The following RPS6KC1 variants were observed in gnomAD, a reference collection of about 807,000 sequenced individuals.
RPS6KC1 encodes inactive ribosomal protein S6 kinase delta-1.
RPS6KC1 carries 54 observed loss-of-function variants against 103.8 expected under a neutral mutation model. That is an observed-to-expected ratio of 0.52 (90% CI 0.42 to 0.65). RPS6KC1 has a LOEUF of 0.65. Among genes scored for constraint, RPS6KC1 ranks in the 30% least tolerant of loss-of-function variants. The pLI is 0.00. For synonymous variants in RPS6KC1, 439 were observed against 438.7 expected, an observed-to-expected ratio of 1.00 and a Z score of -0.01; for missense variants, 1,151 against 1,253.8, an observed-to-expected ratio of 0.92 and a Z score of 1.24.
chr1:213,415,235 T>C, the RPS6KC1 span, among the ~76,000 whole-genome samples: 1 of 152,258 alleles, frequency 6.6e-6, no homozygotes, highest in Non-Finnish European at 1.5e-5. Context: ...GGAAAGAAGC[T>C]GCTATCGCAA....
chr1:213,551,680 A>G, the RPS6KC1 span, among the ~76,000 whole-genome samples: 1 of 152,206 alleles, frequency 6.6e-6, no homozygotes, highest in South Asian at 2.1e-4. Flanking sequence ...TACGTTTCTT[A>G]CACTTGGTGA....
chr1:213,352,955 C>A, the RPS6KC1 span, among the ~76,000 whole-genome samples: 1 of 152,198 alleles, frequency 6.6e-6, no homozygotes, highest in Non-Finnish European at 1.5e-5. Flanking sequence ...TTGCTGAGCA[C>A]CCTTCAAGAC....
chr1:213,747,801 G>C, the RPS6KC1 span, among the ~76,000 whole-genome samples: 1 of 152,168 alleles, frequency 6.6e-6, no homozygotes, highest in Non-Finnish European at 1.5e-5. Flanking sequence ...TACTCTGCTG[G>C]TGTCATGGAA....
chr1:213,151,872 C>T lies in RPS6KC1; in HGVS notation c.836-15986C>T, dbSNP rs544257072. ...CTCCCGGACGGGGCGGCTGGCCGGG[C>T]GGGGGGCTGATCCCCCAACCTCCCT... On this transcript the variant is annotated intron_variant, in intron 6 of 14. Coordinates refer to ENST00000366960, the MANE Select transcript of RPS6KC1 (RefSeq NM_012424.6). Among the ~76,000 whole-genome samples, 229 of 120,022 alleles carry T rather than the reference C, an allele frequency of 1.9e-3. 8 individuals are homozygous for T. Among genetic ancestry groups the T allele is most frequent in the African/African-American group, 7.2e-3 (215 of 29,732 alleles). The allele number at this position is 120,022 out of a possible 152,430, so 78.7% of individuals were successfully genotyped here. A position where few individuals can be genotyped will look rare whatever the true frequency, so the allele number is the denominator to read the frequency against.
intron 6 of RPS6KC1, among the ~76,000 whole-genome samples, chr1:213,142,430 A>C (rs532060812): frequency 6.6e-6 from 1 of 152,014 alleles, no homozygotes; most frequent in African/African-American, 2.4e-5. Flanking sequence ...GTAAGGAGAC[A>C]CTCTGGCTCC....
chr1:213,681,525 C>A, the RPS6KC1 span, among the ~76,000 whole-genome samples: 2 of 152,058 alleles, frequency 1.3e-5, no homozygotes, highest in South Asian at 4.1e-4. Flanking sequence ...GGGCCCAGCA[C>A]AGTGCCTTAT....
the RPS6KC1 span, among the ~76,000 whole-genome samples, chr1:213,470,850 C>A: frequency 2.2e-4 from 33 of 152,026 alleles, no homozygotes; most frequent in Admixed American, 2.0e-3. Context: ...GTCTTCAACT[C>A]TTGGCCTCAA....
At chr1:213,669,616 G>T in the RPS6KC1 span, among the ~76,000 whole-genome samples, 1 of 152,182 alleles carries the variant, frequency 6.6e-6, no homozygotes, top group Non-Finnish European at 1.5e-5. Context: ...GTTTGGTGCG[G>T]TTGCCACAAA....
intron 6 of RPS6KC1, among the ~76,000 whole-genome samples, chr1:213,146,615 CG>C (rs1558413651): frequency 6.6e-6 from 1 of 151,604 alleles, no homozygotes; most frequent in East Asian, 1.9e-4. Context: ...TTAGTAGAGA[CG>C]GGGTTTCTCT....
chr1:213,400,711 CT>C, the RPS6KC1 span, among the ~76,000 whole-genome samples: 370 of 145,336 alleles, frequency 2.5e-3, no homozygotes, highest in Middle Eastern at 7.1e-3. Context: ...TTCTTTCTCT[CT>C]TTTTTTTTTT....
At chr1:213,152,450 G>T (rs1466496960) in intron 6 of RPS6KC1, among the ~76,000 whole-genome samples, 1 of 151,268 alleles carries the variant, frequency 6.6e-6, no homozygotes, top group Non-Finnish European at 1.5e-5. Flanking sequence ...AGACGGGGCG[G>T]CTGCCGGGCG....
chr1:213,815,893 C>G, the RPS6KC1 span, among the ~76,000 whole-genome samples: 8 of 152,168 alleles, frequency 5.3e-5, no homozygotes, highest in African/African-American at 1.2e-4. Flanking sequence ...TTAATCATTT[C>G]TAGCTTTTGA....
the RPS6KC1 span, among the ~76,000 whole-genome samples, chr1:213,603,335 C>T: frequency 6.6e-6 from 1 of 152,120 alleles, no homozygotes; most frequent in Admixed American, 6.5e-5. Context: ...ATCAGACACC[C>T]AAAGCTTCAG....
the RPS6KC1 span, among the ~76,000 whole-genome samples, chr1:213,363,621 GCTTGCTTT>G: frequency 0.011 from 960 of 85,320 alleles, 7 homozygotes; most frequent in Admixed American, 0.019. Context: ...TTGCTTGCTT[GCTTGCTTT>G]CTTTCTTTCT....
At chr1:213,403,657 C>T in the RPS6KC1 span, among the ~76,000 whole-genome samples, 1 of 152,172 alleles carries the variant, frequency 6.6e-6, no homozygotes, top group Non-Finnish European at 1.5e-5. Flanking sequence ...CCCATGTTCA[C>T]GTGCTCCTCC....
At chr1:213,064,877 G>T (rs1207172975) in intron 1 of RPS6KC1, among the ~76,000 whole-genome samples, 2 of 149,682 alleles carry the variant, frequency 1.3e-5, no homozygotes, top group Non-Finnish European at 1.5e-5. Context: ...GGGTTTCACC[G>T]TGTTAGCCAG....
chr1:213,451,370 T>C, the RPS6KC1 span, among the ~76,000 whole-genome samples: 1 of 152,252 alleles, frequency 6.6e-6, no homozygotes, highest in African/African-American at 2.4e-5. Context: ...CAAAGATTCC[T>C]GGTAGATTTT....
At chr1:213,378,903 T>A in the RPS6KC1 span, among the ~76,000 whole-genome samples, 1 of 152,132 alleles carries the variant, frequency 6.6e-6, no homozygotes, top group African/African-American at 2.4e-5. Context: ...TATGCTGGGA[T>A]CTGACAGAGA....
chr1:213,165,270 G>A (rs894489028), intron 6 of RPS6KC1, among the ~76,000 whole-genome samples: 2 of 152,046 alleles, frequency 1.3e-5, no homozygotes, highest in Non-Finnish European at 2.9e-5. Flanking sequence ...TTGCTCTGTT[G>A]CCCGGGCTGG....
Sources: allele counts gnomAD v4.1 joint callset (sites outside exome capture counted in the v4.1 genomes callset), GRCh38; gene constraint gnomAD v4.1.1; transcripts MANE v1.5; gene names NCBI Gene and HGNC (gene_info 2026-07-23, HGNC 2026-07-21).